Variants in CPNE4 observed in about 807,000 individuals in gnomAD.
The protein encoded by CPNE4 is copine 4, also known as copine-4.
Under a neutral mutation model 67.9 loss-of-function variants are expected in CPNE4, and 25 were observed. That is an observed-to-expected ratio of 0.37 (90% CI 0.27 to 0.51). CPNE4 has a LOEUF of 0.51. Among genes scored for constraint, CPNE4 ranks in the 20% least tolerant of loss-of-function variants. The pLI is 0.93. For synonymous variants in CPNE4, 242 were observed against 244.9 expected (o/e 0.99, Z 0.11); for missense variants, 464 against 690.8 (o/e 0.67, Z 3.68).
intron 7 of CPNE4, among the ~76,000 whole-genome samples, chr3:131,597,431 G>A (rs574019329): frequency 1.3e-5 from 2 of 152,174 alleles, no homozygotes; most frequent in East Asian, 3.9e-4. Context: ...TGCACGTTCT[G>A]CACATGTAAC....
chr3:131,781,986 A>G (rs2083441548), intron 2 of CPNE4, among the ~76,000 whole-genome samples: 1 of 152,116 alleles, frequency 6.6e-6, no homozygotes, highest in African/African-American at 2.4e-5. Context: ...TGTCTGTTAA[A>G]TGCTTGAGTG....
chr3:131,792,650 TATATACACACGTGTATATATAC>T (rs1560321762), intron 2 of CPNE4, among the ~76,000 whole-genome samples: 1,329 of 83,296 alleles, frequency 0.016, 47 homozygotes, highest in Middle Eastern at 0.029. Context: ...TATATATGTA[TATATACACACGTGTATATATAC>T]ATATATACAC....
At chr3:131,811,921 C>T (rs1192134945) in intron 2 of CPNE4, among the ~76,000 whole-genome samples, 1 of 152,030 alleles carries the variant, frequency 6.6e-6, no homozygotes, top group East Asian at 1.9e-4. Context: ...GGTCACACAG[C>T]TAACAACTGG....
intron 3 of CPNE4, among the ~76,000 whole-genome samples, chr3:131,717,879 T>TCCC (rs2081750352): frequency 1.1e-4 from 4 of 36,206 alleles, no homozygotes; most frequent in African/African-American, 2.1e-4. Flanking sequence ...CTTTCTTTTC[T>TCCC]TTCTTTCTTT....
intron 3 of CPNE4, among the ~76,000 whole-genome samples, chr3:131,717,890 C>CTT (rs3039242): frequency 1.7e-4 from 10 of 59,592 alleles, no homozygotes; most frequent in African/African-American, 4.2e-4. Flanking sequence ...TTCTTTCTTT[C>CTT]TTTCTTTCTT....
chr3:131,860,005 T>C (rs73203874), intron 2 of CPNE4, among the ~76,000 whole-genome samples: 11,640 of 152,244 alleles, frequency 0.076, 576 homozygotes, highest in East Asian at 0.17. Context: ...ATAATCTCCC[T>C]CATTCCTTTT....
At chr3:131,731,113 C>G (rs1286538039) in intron 2 of CPNE4, among the ~76,000 whole-genome samples, 1 of 152,188 alleles carries the variant, frequency 6.6e-6, no homozygotes, top group African/African-American at 2.4e-5. Context: ...TCCATTGAAC[C>G]CTGCCTTCAT....
chr3:132,016,546 G>A (rs1170713180), intron 1 of CPNE4, among the ~76,000 whole-genome samples: 1 of 152,156 alleles, frequency 6.6e-6, no homozygotes, highest in Non-Finnish European at 1.5e-5. Flanking sequence ...CAGGAGTGAA[G>A]AAGTCAGAGG....
chr3:132,015,662 C>T (rs1300480135), intron 1 of CPNE4, among the ~76,000 whole-genome samples: 3 of 152,116 alleles, frequency 2.0e-5, no homozygotes, highest in Admixed American at 6.6e-5. Flanking sequence ...TTTCTTTACT[C>T]GAGGACAAAA....
intron 2 of CPNE4, among the ~76,000 whole-genome samples, chr3:131,813,553 A>G (rs2084619079): frequency 6.6e-6 from 1 of 151,508 alleles, no homozygotes; most frequent in African/African-American, 2.4e-5. Context: ...GCATACATAC[A>G]CACATTTAAA....
intron 7 of CPNE4, among the ~76,000 whole-genome samples, chr3:131,603,036 A>AG (rs1162229301): frequency 7.5e-5 from 11 of 147,386 alleles, no homozygotes; most frequent in African/African-American, 2.9e-4. Flanking sequence ...TCTCCTTTAC[A>AG]ATTTTTTTGG....
At chr3:131,945,051 A>T (rs1281558963) in intron 1 of CPNE4, among the ~76,000 whole-genome samples, 1 of 152,138 alleles carries the variant, frequency 6.6e-6, no homozygotes, top group African/African-American at 2.4e-5. Context: ...GTTAAGCTGG[A>T]TTTTAATCTT....
intron 1 of CPNE4, among the ~76,000 whole-genome samples, chr3:131,956,041 C>T (rs1247902203): frequency 6.6e-6 from 1 of 152,132 alleles, no homozygotes; most frequent in Admixed American, 6.6e-5. Context: ...TATTGATACA[C>T]AAATCCATCT....
chr3:131,777,563 T>C (rs557850226), intron 2 of CPNE4, among the ~76,000 whole-genome samples: 9 of 152,174 alleles, frequency 5.9e-5, no homozygotes, highest in African/African-American at 2.2e-4. Context: ...AGGAGAAGAC[T>C]AAGTGCCTTT....
At chr3:131,570,090 C>T (rs1353446378) in intron 10 of CPNE4, among the ~76,000 whole-genome samples, 1 of 151,466 alleles carries the variant, frequency 6.6e-6, no homozygotes, top group East Asian at 1.9e-4. Flanking sequence ...TTTAAATAGG[C>T]TTTATCATAG....
At chr3:131,588,446 C>G (rs1238101339) in intron 7 of CPNE4, among the ~76,000 whole-genome samples, 3 of 152,124 alleles carry the variant, frequency 2.0e-5, no homozygotes, top group Non-Finnish European at 4.4e-5. Flanking sequence ...GAAAGAAGCT[C>G]AGACCTCAAA....
chr3:131,730,337 T>A (rs1180836543), intron 2 of CPNE4, among the ~76,000 whole-genome samples: 2 of 152,208 alleles, frequency 1.3e-5, no homozygotes, highest in African/African-American at 4.8e-5. Flanking sequence ...TTACAAATGA[T>A]CCTATTAAAT....
In CPNE4 at chr3:131,638,259, A is replaced by C. The variant is rs375316587; in HGVS notation, c.681+31416T>G. Among the ~76,000 whole-genome samples, 7 of 152,166 alleles carry C rather than the reference A, an allele frequency of 4.6e-5. No individual in the cohort carries two copies. The East Asian group carries it at 5.8e-4, about 13-fold the overall frequency. ...AAGATACAGAATGCCGGAATGGATA[A>C]GAATTCACCAACCAAGTTTCTGCTG... On this transcript the variant is annotated intron_variant, in intron 7 of 15. Coordinates refer to ENST00000429747, the MANE Select transcript of CPNE4 (RefSeq NM_130808.3).
chr3:131,723,440 A>G lies in CPNE4; in HGVS notation c.360+6T>C, dbSNP rs1165221600. On this transcript the variant is annotated splice_donor_region_variant and intron_variant, in intron 3 of 15. Coordinates refer to ENST00000429747, the MANE Select transcript of CPNE4 (RefSeq NM_130808.3). ...AAGGAGGAGGAAGGGATGTCTGTTG[A>G]CCCACCTGGCCAAGTGTGCACTCCA... The G allele has an allele frequency of 1.2e-6, 2 of 1,611,600 alleles. No homozygotes were observed. The highest frequency in any genetic ancestry group is 1.1e-5 in the South Asian group (1 of 90,910).
Sources: gnomAD v4.1 joint callset for allele counts (sites outside exome capture counted in the v4.1 genomes callset) on GRCh38, gnomAD v4.1.1 for gene constraint, MANE v1.5 for transcripts, NCBI Gene and HGNC (gene_info 2026-07-23, HGNC 2026-07-21) for gene names.